Variants in SRBD1 observed in about 807,000 individuals in gnomAD.
SRBD1 encodes S1 RNA binding domain 1.
Under a neutral mutation model 115.3 loss-of-function variants are expected in SRBD1, and 88 were observed. That is an observed-to-expected ratio of 0.76 (90% confidence interval 0.64 to 0.91). The LOEUF (loss-of-function observed/expected upper bound fraction) is 0.91. Among genes scored for constraint, SRBD1 ranks in the 40% least tolerant of loss-of-function variants. The pLI is 0.00. For synonymous variants in SRBD1, 509 were observed against 407.7 expected (o/e 1.25, Z -2.99); for missense variants, 1,385 against 1,177.4 (o/e 1.18, Z -2.58).
At chr2:45,454,826 T>G (rs1399786006) in intron 16 of SRBD1, among the ~76,000 whole-genome samples, 3 of 151,866 alleles carry the variant, frequency 2.0e-5, no homozygotes, top group African/African-American at 7.2e-5. Context: ...AAAAAGCACA[T>G]TCATATTTCT....
At chr2:45,436,789 G>T (rs1668512574) in intron 16 of SRBD1, among the ~76,000 whole-genome samples, 1 of 152,018 alleles carries the variant, frequency 6.6e-6, no homozygotes, top group Non-Finnish European at 1.5e-5. Flanking sequence ...GATTTGGGTG[G>T]GGACACAAGG....
chr2:45,414,733 G>GTGTATATAGTATGTACACACACACAGTA (rs1667735803), intron 18 of SRBD1, among the ~76,000 whole-genome samples: 5 of 127,412 alleles, frequency 3.9e-5, no homozygotes, highest in Non-Finnish European at 6.5e-5. Context: ...CACACACAGT[G>GTGTATATAGTATGTACACACACACAGTA]TGTATATAGT....
chr2:45,445,220 A>G (rs1393611863), intron 16 of SRBD1, among the ~76,000 whole-genome samples: 1 of 152,200 alleles, frequency 6.6e-6, no homozygotes, highest in Admixed American at 6.5e-5. Context: ...AGCTGAAAAA[A>G]GATTCTGGCT....
chr2:45,573,181 C>A (rs1241433103), intron 9 of SRBD1, 26 bp downstream of exon 9: 1 of 1,559,368 alleles, frequency 6.4e-7, no homozygotes. Flanking sequence ...ACGAAATCAG[C>A]ATGCACATGC....
chr2:45,587,319 A>G (rs1290082786), intron 4 of SRBD1, among the ~76,000 whole-genome samples: 1 of 149,190 alleles, frequency 6.7e-6, no homozygotes, highest in African/African-American at 2.4e-5. Flanking sequence ...AAAGATGATT[A>G]ATTATTTAAA....
Position 45,418,475 on chromosome 2 carries a change from G to A in SRBD1, c.2223C>T (p.Pro741=), listed in dbSNP as rs1667900178. The A allele has an allele frequency of 6.2e-7, 1 of 1,613,750 alleles. No individual in the cohort carries two copies. The highest frequency in any genetic ancestry group is 1.3e-5 in the African/African-American group (1 of 74,822). ...TCTTCAGCTGTTCTCGGTTGATAAA[G>A]GGTCCATTTTTCTCTCGCCATTCAA... ...NIIEWREKNG[P]FINREQLKKV... The change falls in exon 18 of 21, where the codon CCC becomes CCT. Residue 741 remains proline, a synonymous_variant. Coordinates refer to ENST00000263736, the MANE Select transcript of SRBD1 (RefSeq NM_018079.5).
intron 16 of SRBD1, among the ~76,000 whole-genome samples, chr2:45,429,002 G>C (rs1218979836): frequency 6.6e-6 from 1 of 152,176 alleles, no homozygotes; most frequent in African/African-American, 2.4e-5. Flanking sequence ...ACTATCATCA[G>C]AGAATACTAT....
intron 4 of SRBD1, among the ~76,000 whole-genome samples, chr2:45,596,681 C>T (rs1673904641): frequency 6.6e-6 from 1 of 152,022 alleles, no homozygotes; most frequent in Non-Finnish European, 1.5e-5. Flanking sequence ...ATCTAAAGTG[C>T]CTAGTACAGA....
At chr2:45,593,626 T>C (rs1406746509) in intron 4 of SRBD1, among the ~76,000 whole-genome samples, 4 of 152,236 alleles carry the variant, frequency 2.6e-5, no homozygotes, top group Non-Finnish European at 4.4e-5. Context: ...CCAGGCAGCA[T>C]CTGCATTTTA....
At chr2:45,574,311 A>C (rs1348985932) in intron 8 of SRBD1, among the ~76,000 whole-genome samples, 1 of 152,220 alleles carries the variant, frequency 6.6e-6, no homozygotes, top group Admixed American at 6.5e-5. Context: ...TGCCACTCTA[A>C]AGGACATGAA....
intron 20 of SRBD1, among the ~76,000 whole-genome samples, chr2:45,391,362 T>C (rs1216113892): frequency 6.6e-6 from 1 of 152,104 alleles, no homozygotes; most frequent in Non-Finnish European, 1.5e-5. Context: ...ATTACACCAT[T>C]GACAAAACAA....
intron 18 of SRBD1, among the ~76,000 whole-genome samples, chr2:45,414,912 G>GTATATAGTATGTACACACACAGTGT (rs1667761830): frequency 2.6e-5 from 2 of 76,892 alleles, no homozygotes; most frequent in Admixed American, 1.3e-4. Context: ...CATATAGTGT[G>GTATATAGTATGTACACACACAGTGT]TATATAGTAT....
At chr2:45,524,101 T>C (rs761278765) in intron 14 of SRBD1, among the ~76,000 whole-genome samples, 10 of 151,700 alleles carry the variant, frequency 6.6e-5, no homozygotes, top group Non-Finnish European at 1.3e-4. Flanking sequence ...CAGAAGGGAG[T>C]ATCTTTTCAT....
chr2:45,538,171 C>G (rs189870488), intron 14 of SRBD1, among the ~76,000 whole-genome samples: 11 of 152,330 alleles, frequency 7.2e-5, no homozygotes, highest in Non-Finnish European at 1.2e-4. Context: ...TACATCACAG[C>G]TTCCTTGCAA....
At chr2:45,506,691 A>G (rs1670809485) in intron 14 of SRBD1, among the ~76,000 whole-genome samples, 2 of 152,212 alleles carry the variant, frequency 1.3e-5, no homozygotes, top group Non-Finnish European at 2.9e-5. Context: ...TCTAAGACCA[A>G]TTAAAATATA....
intron 15 of SRBD1, among the ~76,000 whole-genome samples, chr2:45,483,937 A>T (rs1302228125): frequency 6.6e-6 from 1 of 152,174 alleles, no homozygotes; most frequent in Non-Finnish European, 1.5e-5. Flanking sequence ...TAATGGAGGT[A>T]GACTGAAGGT....
chr2:45,599,299 G>A, intron 4 of SRBD1, 150 bp downstream of exon 4: 1 of 1,079,012 alleles, frequency 9.3e-7, no homozygotes, highest in Non-Finnish European at 1.3e-6. Flanking sequence ...ACCCAAGAAA[G>A]TTACAAGTAG....
At chr2:45,603,344 T>A (rs1038288741) in intron 2 of SRBD1, among the ~76,000 whole-genome samples, 4 of 152,132 alleles carry the variant, frequency 2.6e-5, no homozygotes, top group Admixed American at 2.6e-4. Context: ...TTAGAGCATA[T>A]CCCTTACATA....
At chr2:45,483,659 C>T (rs1670031576) in intron 15 of SRBD1, among the ~76,000 whole-genome samples, 1 of 152,030 alleles carries the variant, frequency 6.6e-6, no homozygotes, top group Non-Finnish European at 1.5e-5. Context: ...TATTAGATAT[C>T]TGTATTTTTA....
Sources: gnomAD v4.1 joint callset for allele counts (sites outside exome capture counted in the v4.1 genomes callset) on GRCh38, gnomAD v4.1.1 for gene constraint, MANE v1.5 for transcripts, NCBI Gene and HGNC (gene_info 2026-07-23, HGNC 2026-07-21) for gene names.